The following TESC variants were observed in gnomAD, a reference collection of about 807,000 sequenced individuals.
TESC encodes the protein calcineurin B homologous protein 3.
A neutral mutation model predicts 31.0 loss-of-function variants in TESC; 19 were observed. That is an observed-to-expected ratio of 0.61 (90% CI 0.43 to 0.90). The LOEUF (loss-of-function observed/expected upper bound fraction) is 0.90, where lower values mean the gene tolerates loss of function less well. Ranked by LOEUF, TESC falls within the 40% of genes least tolerant of loss-of-function variation. The pLI is 0.00. For synonymous variants in TESC, 109 were observed against 114.8 expected, an observed-to-expected ratio of 0.95 and a Z score of 0.32; for missense variants, 248 against 303.8, an observed-to-expected ratio of 0.82 and a Z score of 1.36.
intron 1 of TESC, among the ~76,000 whole-genome samples, chr12:117,093,447 G>A (rs114927682): frequency 6.6e-6 from 1 of 152,188 alleles, no homozygotes; most frequent in Non-Finnish European, 1.5e-5. Context: ...AGACAGTCTC[G>A]CACTGTCACC....
chr12:117,051,245 C>T (rs1954643384), intron 3 of TESC, among the ~76,000 whole-genome samples: 1 of 152,248 alleles, frequency 6.6e-6, no homozygotes, highest in Non-Finnish European at 1.5e-5. Flanking sequence ...TCATCTACTA[C>T]TCCTTTTCAG....
At chr12:117,052,590 C>A (rs1018490021) in intron 3 of TESC, among the ~76,000 whole-genome samples, 13 of 152,160 alleles carry the variant, frequency 8.5e-5, no homozygotes, top group African/African-American at 2.9e-4. Context: ...GGCCGAGGTC[C>A]AGGGACCTAT....
At chr12:117,044,186 C>T (rs894996127) in intron 6 of TESC, among the ~76,000 whole-genome samples, 1 of 152,088 alleles carries the variant, frequency 6.6e-6, no homozygotes, top group African/African-American at 2.4e-5. Context: ...ATGGCTTGAG[C>T]GCAGGAGATG....
chr12:117,076,687 G>A (rs1036987419), intron 1 of TESC, among the ~76,000 whole-genome samples: 5 of 152,204 alleles, frequency 3.3e-5, no homozygotes, highest in African/African-American at 4.8e-5. Flanking sequence ...TGAGTGATCC[G>A]CCCACCGCAG....
intron 3 of TESC, among the ~76,000 whole-genome samples, chr12:117,051,748 C>A (rs1954650584): frequency 1.3e-5 from 2 of 152,184 alleles, no homozygotes; most frequent in Non-Finnish European, 2.9e-5. Context: ...AACCTTGTGA[C>A]CGGCACTGCT....
At chr12:117,057,007 T>C in intron 2 of TESC, 121 bp from the exon 3 acceptor site, 1 of 923,998 alleles carries the variant, frequency 1.1e-6, no homozygotes, top group Non-Finnish European at 1.7e-6. Flanking sequence ...ACAAGAATAG[T>C]TCAGAGTTAG....
At chr12:117,045,258 G>GC (rs1565958197) in intron 6 of TESC, among the ~76,000 whole-genome samples, 1 of 152,222 alleles carries the variant, frequency 6.6e-6, no homozygotes, top group African/African-American at 2.4e-5. Context: ...CAGCGGGTAC[G>GC]CCCCGGAGCC....
chr12:117,085,679 G>A (rs1039723823), intron 1 of TESC, among the ~76,000 whole-genome samples: 2 of 152,124 alleles, frequency 1.3e-5, no homozygotes, highest in African/African-American at 4.8e-5. Flanking sequence ...GGGAAATCCC[G>A]GAATACAGAG....
rs532940514 is a variant in TESC at position 117,053,688 on chromosome 12, C to T, written c.209+3118G>A. 7.9e-5 allele frequency among the ~76,000 whole-genome samples: 12 copies of T among 152,308 alleles called. No homozygotes were observed. In the South Asian group the frequency reaches 2.1e-3, roughly 26 times the overall value. On this transcript the variant is annotated intron_variant, in intron 3 of 7. Coordinates refer to ENST00000335209, the MANE Select transcript of TESC (RefSeq NM_017899.4). ...ACCCAAGCCTTCTGGAAACAAGCCT[C>T]GTGCCTACACACACCCCCTAAACGT...
intron 1 of TESC, among the ~76,000 whole-genome samples, chr12:117,090,794 G>C (rs1955295901): frequency 6.6e-6 from 1 of 152,206 alleles, no homozygotes; most frequent in South Asian, 2.1e-4. Flanking sequence ...CAAAGTGCTG[G>C]GTATTTGCTC....
At chr12:117,081,799 G>A (rs1296799197) in intron 1 of TESC, among the ~76,000 whole-genome samples, 1 of 152,084 alleles carries the variant, frequency 6.6e-6, no homozygotes, top group African/African-American at 2.4e-5. Context: ...AACTACTCAG[G>A]AGGCTGAGGC....
At chr12:117,080,450 G>C (rs1865917763) in intron 1 of TESC, among the ~76,000 whole-genome samples, 1 of 151,816 alleles carries the variant, frequency 6.6e-6, no homozygotes, top group Admixed American at 6.6e-5. Flanking sequence ...CCTGGGTGAT[G>C]GAAAAAAAAA....
Position 117,075,299 on chromosome 12 carries a change from G to T in TESC, c.100C>A (p.Gln34Lys). Residue 34 changes from glutamine (Q) to lysine (K), a missense_variant, in exon 2 of 8, where the codon CAG (glutamine) becomes AAG (lysine). Physicochemically the swap from Gln to Lys is moderately conservative, Grantham distance 53. Coordinates refer to ENST00000335209, the MANE Select transcript of TESC (RefSeq NM_017899.4). ...ATGGTAGGCTGATCTCCACTCAGCT[G>T]CTTAAATCTCCGATGGAGCTGCTCG... ...QIEQLHRRFK[Q>K]LSGDQPTIRK... 1 of 1,612,172 alleles carries T rather than the reference G, an allele frequency of 6.2e-7. No individual in the cohort carries two copies.
chr12:117,075,471 T>C, intron 1 of TESC, 131 bp from the exon 2 acceptor site: 2 of 915,798 alleles, frequency 2.2e-6, no homozygotes, highest in Non-Finnish European at 3.3e-6. Flanking sequence ...TCTCCCACCA[T>C]GGCAAAAGCG....
At chr12:117,070,930 C>A (rs894081625) in intron 2 of TESC, among the ~76,000 whole-genome samples, 12 of 152,018 alleles carry the variant, frequency 7.9e-5, no homozygotes, top group Admixed American at 6.6e-5. Context: ...AAGATCGCAC[C>A]ACTGCACATC....
chr12:117,093,851 T>C (rs570163358), intron 1 of TESC, among the ~76,000 whole-genome samples: 1 of 151,998 alleles, frequency 6.6e-6, no homozygotes, highest in South Asian at 2.1e-4. Context: ...TGAAGAGCTG[T>C]TTTGGAGCCT....
chr12:117,048,795 C>A lies in TESC; in HGVS notation c.349+224G>T, dbSNP rs1954604449. 13 of 720,680 alleles carry A rather than the reference C, an allele frequency of 1.8e-5. No homozygotes were observed. The East Asian group carries it at 3.7e-4, about 21-fold the overall frequency. 44.6% of individuals were successfully genotyped at this position (720,680 alleles called of 1,614,324 possible). ...ATCCACCGCACAACCCCCTTCTAGT[C>A]CCAGGAAGCCACAAGCTGCTGAGGA... is the stretch of plus-strand genomic sequence containing the variant. On this transcript the variant is annotated intron_variant, in intron 4 of 7. Coordinates refer to ENST00000335209, the MANE Select transcript of TESC (RefSeq NM_017899.4).
chr12:117,057,013 G>A, intron 2 of TESC, 127 bp from the exon 3 acceptor site: 1 of 860,678 alleles, frequency 1.2e-6, no homozygotes. Context: ...ATAGTTCAGA[G>A]TTAGGAGACA....
At chr12:117,071,472 G>T (rs547307607) in intron 2 of TESC, among the ~76,000 whole-genome samples, 4 of 152,328 alleles carry the variant, frequency 2.6e-5, no homozygotes, top group South Asian at 4.1e-4. Flanking sequence ...TCTTGGAAAT[G>T]TGGTCCACAC....
Sources: allele counts gnomAD v4.1 joint callset (sites outside exome capture counted in the v4.1 genomes callset), GRCh38; gene constraint gnomAD v4.1.1; transcripts MANE v1.5; gene names NCBI Gene and HGNC (gene_info 2026-07-23, HGNC 2026-07-21).